DMD: variants seen among roughly 807,000 people sequenced by gnomAD.
DMD encodes the protein mutant dystrophin.
DMD carries 63 observed loss-of-function variants against 330.1 expected under a neutral mutation model. The ratio of observed to expected loss-of-function variants is 0.19; its 90% CI spans 0.16 to 0.24. DMD has a LOEUF of 0.24. Among genes scored for constraint, DMD ranks in the 10% least tolerant of loss-of-function variants. The pLI, the probability that DMD is intolerant of heterozygous loss-of-function variation, is 1.00. For synonymous variants in DMD, 1,223 were observed against 959.8 expected, an observed-to-expected ratio of 1.27 and a Z score of -5.07; for missense variants, 3,344 against 2,684.1, an observed-to-expected ratio of 1.25 and a Z score of -5.43.
intron 18 of DMD, chrX:32,517,737 G>A (rs776278093): frequency 3.4e-4 from 140 of 414,340 alleles, no homozygotes; most frequent in African/African-American, 3.1e-3. Context: ...ATGAATTAAT[G>A]TCATAAAATT....
chrX:31,123,310 A>G (rs1366732095), intron 78 of DMD, among the ~76,000 whole-genome samples: 1 of 112,207 alleles, frequency 8.9e-6, no homozygotes, highest in Non-Finnish European at 1.9e-5. Context: ...TAGTGCAAAG[A>G]ATTTCATGGA....
intron 44 of DMD, among the ~76,000 whole-genome samples, chrX:32,086,363 TC>T (rs1317876879): frequency 1.8e-5 from 2 of 112,138 alleles, no homozygotes; most frequent in Non-Finnish European, 1.9e-5. Flanking sequence ...ATAGTTTTCA[TC>T]TTTTTGCTAC....
At chrX:33,281,403 T>C (rs1375977602) in intron 1 of DMD, among the ~76,000 whole-genome samples, 1 of 110,680 alleles carries the variant, frequency 9.0e-6, no homozygotes, top group East Asian at 2.9e-4. Flanking sequence ...GAGACAGGGT[T>C]TCACTATGTT....
chrX:33,158,821 C>T (rs1328050646), intron 1 of DMD, among the ~76,000 whole-genome samples: 1 of 111,374 alleles, frequency 9.0e-6, no homozygotes, highest in Non-Finnish European at 1.9e-5. Context: ...CAAACCAAAC[C>T]CCATTTAAAT....
At chrX:33,205,128 A>C (rs1255960779) in intron 1 of DMD, among the ~76,000 whole-genome samples, 1 of 112,329 alleles carries the variant, frequency 8.9e-6, no homozygotes, top group Non-Finnish European at 1.9e-5. Context: ...ACAAGCCAAC[A>C]TTTCTTGCAT....
intron 2 of DMD, among the ~76,000 whole-genome samples, chrX:32,907,078 T>C (rs1430444038): frequency 4.5e-5 from 5 of 112,071 alleles, no homozygotes; most frequent in Non-Finnish European, 7.5e-5. Context: ...AAACATTCTA[T>C]AGTGTAAATT....
chrX:31,365,525 G>A (rs10126386), intron 60 of DMD, among the ~76,000 whole-genome samples: 7,186 of 111,801 alleles, frequency 0.064, 253 homozygotes, highest in Non-Finnish European at 0.093. Context: ...AAGGTACTTG[G>A]ACATTTTGGC....
At chrX:32,539,128 T>A (rs1224549886) in intron 17 of DMD, among the ~76,000 whole-genome samples, 1 of 111,010 alleles carries the variant, frequency 9.0e-6, no homozygotes, top group Non-Finnish European at 1.9e-5. Context: ...TAATAGATGG[T>A]TATCTTTTTG....
intron 1 of DMD, among the ~76,000 whole-genome samples, chrX:33,313,881 A>T (rs986863140): frequency 9.0e-6 from 1 of 111,333 alleles, no homozygotes; most frequent in Non-Finnish European, 1.9e-5. Context: ...TGCCTTGATG[A>T]TGTTTACCAT....
intron 60 of DMD, among the ~76,000 whole-genome samples, chrX:31,357,908 C>T (rs984312723): frequency 8.9e-6 from 1 of 112,124 alleles, no homozygotes; most frequent in Non-Finnish European, 1.9e-5. Context: ...CTCTCTTCTT[C>T]GCATATCATA....
In DMD at chrX:31,808,254, T is replaced by C. The variant is rs1039060575; in HGVS notation, c.7309+11721A>G. Among the ~76,000 whole-genome samples the C allele has an allele frequency of 3.6e-5, 4 of 111,762 alleles. No homozygotes were observed. In the Admixed American group the frequency reaches 3.8e-4, roughly 11 times the overall value. On this transcript the variant is annotated intron_variant, in intron 50 of 78. Transcript: ENST00000357033. The stretch of plus-strand genomic sequence containing the variant: ...AGAGACCCTCCAGGAGAGTTAAACA[T>C]GAAGTGACAATGTTGTTTTGCCTGA...
chrX:33,140,107 C>G, intron 1 of DMD, among the ~76,000 whole-genome samples: 1 of 111,617 alleles, frequency 9.0e-6, no homozygotes, highest in South Asian at 3.7e-4. Flanking sequence ...ATCATGGACA[C>G]ATTCTTTAGT....
At chrX:32,233,599 T>TTTCA (rs1557228748) in intron 43 of DMD, among the ~76,000 whole-genome samples, 2 of 87,960 alleles carry the variant, frequency 2.3e-5, no homozygotes, top group Admixed American at 1.2e-4. Context: ...TTTCTTTTTC[T>TTTCA]TTTATTTATT....
At chrX:31,578,184 G>C (rs770633430) in intron 55 of DMD, among the ~76,000 whole-genome samples, 4 of 111,639 alleles carry the variant, frequency 3.6e-5, no homozygotes, top group African/African-American at 9.8e-5. Context: ...GTAGGCATCA[G>C]AGATTTATAG....
chrX:31,802,594 G>A (rs1027017506), intron 50 of DMD, among the ~76,000 whole-genome samples: 3 of 111,432 alleles, frequency 2.7e-5, no homozygotes, highest in Non-Finnish European at 3.8e-5. Context: ...GGGTGAGGTG[G>A]GAAGGTTTTA....
intron 45 of DMD, among the ~76,000 whole-genome samples, chrX:31,956,158 A>G (rs2095244351): frequency 9.0e-6 from 1 of 111,477 alleles, no homozygotes; most frequent in African/African-American, 3.3e-5. Context: ...AGTCATCTTG[A>G]TCCATGAGTG....
At chrX:33,277,809 A>G (rs1012849900) in intron 1 of DMD, among the ~76,000 whole-genome samples, 4 of 111,503 alleles carry the variant, frequency 3.6e-5, no homozygotes, top group African/African-American at 1.3e-4. Flanking sequence ...TTACTTCAGA[A>G]ATGTTACACA....
intron 9 of DMD, among the ~76,000 whole-genome samples, chrX:32,687,094 G>A (rs1181577403): frequency 1.8e-5 from 2 of 112,122 alleles, no homozygotes; most frequent in Admixed American, 1.9e-4. Context: ...GTGCTAGAAA[G>A]CAATTAAGTG....
intron 5 of DMD, among the ~76,000 whole-genome samples, chrX:32,821,437 A>G (rs1425058561): frequency 1.3e-5 from 1 of 78,602 alleles, no homozygotes; most frequent in Non-Finnish European, 2.5e-5. Context: ...ACAAAAAAAA[A>G]TTAGCCGGGC....
Sources: gnomAD v4.1 joint callset for allele counts (sites outside exome capture counted in the v4.1 genomes callset) on GRCh38, gnomAD v4.1.1 for gene constraint, MANE v1.5 for transcripts, NCBI Gene and HGNC (gene_info 2026-07-23, HGNC 2026-07-21) for gene names.